The following ZMYM1 variants were observed in gnomAD, a reference collection of about 807,000 sequenced individuals.
ZMYM1 encodes zinc finger MYM-type containing 1, also known as zinc finger MYM-type protein 1.
In ZMYM1, 39 loss-of-function variants were observed where a neutral mutation model predicts 60.0. That is an observed-to-expected ratio of 0.65 (90% CI 0.50 to 0.85). The LOEUF (loss-of-function observed/expected upper bound fraction) is 0.85, where lower values mean the gene tolerates loss of function less well. Ranked by LOEUF, ZMYM1 falls within the 40% of genes least tolerant of loss-of-function variation. ZMYM1 has a pLI of 0.00. For missense variants in ZMYM1, 1,171 were observed against 1,309.5 expected (o/e 0.89, Z 1.63); for synonymous variants, 413 against 454.0 (o/e 0.91, Z 1.15).
chr1:35,069,111 G>A (rs534426907), intron 1 of ZMYM1, among the ~76,000 whole-genome samples: 13 of 152,290 alleles, frequency 8.5e-5, no homozygotes, highest in African/African-American at 3.1e-4. Flanking sequence ...TGGGATTACA[G>A]GCATGAGCCA....
chr1:35,103,863 G>A (rs1368324403), intron 4 of ZMYM1, among the ~76,000 whole-genome samples: 1 of 152,224 alleles, frequency 6.6e-6, no homozygotes, highest in Non-Finnish European at 1.5e-5. Context: ...AGTTGCTCAT[G>A]TGAATATGTG....
At position 35,064,292 on chromosome 1, in the gene ZMYM1, C is replaced by CAAAAAA. The variant is rs371084383; in HGVS notation, c.-301+4383_-301+4388dup. Reference sequence around the variant, plus strand: ...TGGGAAACACGGTGAGATCCTGTCTCAAAAAAAAAAAAAAAAAAAAACAAA... The same window carrying CAAAAAA: ...TGGGAAACACGGTGAGATCCTGTCTCAAAAAAAAAAAAAAAAAAAAAAAAAAACAAA... On this transcript the variant is annotated intron_variant, in intron 1 of 10. Transcript: ENST00000417119. Among the ~76,000 whole-genome samples, 30 of 54,468 alleles carry CAAAAAA rather than the reference C, an allele frequency of 5.5e-4. 1 individual carries two copies. The highest frequency in any genetic ancestry group is 1.3e-3 in the African/African-American group (22 of 16,330). The allele number at this position is 54,468 out of a possible 152,430, so 35.7% of individuals were successfully genotyped here.
downstream of ZMYM1, among the ~76,000 whole-genome samples, chr1:35,116,111 C>T (rs527538824): frequency 1.4e-4 from 22 of 151,988 alleles, no homozygotes; most frequent in Admixed American, 2.6e-4. Context: ...ACTGCACACC[C>T]GAAGTCCCAG....
chr1:35,084,948 A>G (rs1642578249), intron 1 of ZMYM1, among the ~76,000 whole-genome samples: 1 of 151,990 alleles, frequency 6.6e-6, no homozygotes, highest in African/African-American at 2.4e-5. Context: ...TCCCCTTACC[A>G]GTAAAGTCTG....
chr1:35,066,106 C>G (rs2148475915), intron 1 of ZMYM1, among the ~76,000 whole-genome samples: 1 of 152,304 alleles, frequency 6.6e-6, no homozygotes, highest in Non-Finnish European at 1.5e-5. Context: ...AAAAAAACCT[C>G]CTACAACTAA....
intron 4 of ZMYM1, among the ~76,000 whole-genome samples, chr1:35,100,177 C>T (rs1643567151): frequency 1.3e-5 from 2 of 152,136 alleles, no homozygotes; most frequent in South Asian, 4.1e-4. Context: ...AGGTATGAGC[C>T]ACCACGCCCT....
intron 1 of ZMYM1, among the ~76,000 whole-genome samples, chr1:35,065,789 A>G (rs1161002055): frequency 6.6e-6 from 1 of 151,996 alleles, no homozygotes; most frequent in Non-Finnish European, 1.5e-5. Flanking sequence ...AGATGGATAA[A>G]CCTCTAGCAA....
At chr1:35,068,665 T>A (rs755666561) in intron 1 of ZMYM1, among the ~76,000 whole-genome samples, 20 of 149,656 alleles carry the variant, frequency 1.3e-4, no homozygotes, top group Non-Finnish European at 2.7e-4. Flanking sequence ...TATATATATA[T>A]ATAAAACTAC....
In ZMYM1 at chr1:35,104,399, G is replaced by T. The variant is rs1236467277; in HGVS notation, c.524G>T (p.Arg175Ile). 6.2e-7 allele frequency: 1 copy of T among 1,613,104 alleles called. No homozygotes were observed. The highest frequency in any genetic ancestry group is 1.1e-5 in the South Asian group (1 of 90,976). The change falls in exon 5 of 10, where the codon AGA becomes ATA. Residue 175 changes from arginine to isoleucine, a missense_variant. Physicochemically the swap from Arg to Ile is moderately conservative, Grantham distance 97. Coordinates refer to ENST00000359858, the MANE Select transcript of ZMYM1 (RefSeq NM_024772.5). ...TGTCTTTCATCATATGAAGAAAAAA[G>T]AAAACCATTTGTTACCATATGTACT... ...LSCLSSYEEK[R>I]KPFVTICTNS...
intron 9 of ZMYM1, among the ~76,000 whole-genome samples, 167 bp from the exon 10 acceptor site, chr1:35,112,810 C>G (rs924783452): frequency 1.3e-5 from 2 of 151,752 alleles, no homozygotes; most frequent in Admixed American, 6.6e-5. Flanking sequence ...AATGCTGAAT[C>G]TAGATTGCAA....
chr1:35,113,969 C>T lies in ZMYM1; in HGVS notation c.2139C>T (p.Gly713=). ...QIGVDMDKIH[G]QAYDSTTNLK... ...GAGTTGATATGGATAAAATACATGGCCAGGCCTATGATAGCACCACTAATT... is the reference window on the plus strand; with the variant it reads ...GAGTTGATATGGATAAAATACATGGTCAGGCCTATGATAGCACCACTAATT... Residue 713 remains glycine, a synonymous_variant, in exon 10 of 10, where the codon GGC becomes GGT. Transcript: ENST00000359858. The T allele has an allele frequency of 6.2e-7, 1 of 1,613,418 alleles. No individual in the cohort carries two copies. Among genetic ancestry groups the T allele is most frequent in the African/African-American group, 1.3e-5 (1 of 74,962 alleles).
At chr1:35,101,605 C>G (rs1177991361) in intron 4 of ZMYM1, among the ~76,000 whole-genome samples, 1 of 151,502 alleles carries the variant, frequency 6.6e-6, no homozygotes, top group East Asian at 1.9e-4. Flanking sequence ...TTTGTCTATT[C>G]CCACACCATT....
At chr1:35,102,281 A>G (rs1229033353) in intron 4 of ZMYM1, among the ~76,000 whole-genome samples, 1 of 152,168 alleles carries the variant, frequency 6.6e-6, no homozygotes, top group Non-Finnish European at 1.5e-5. Context: ...TTTTTGTACC[A>G]TGTGGATCAG....
At chr1:35,097,635 T>G in intron 4 of ZMYM1, 69 bp downstream of exon 4, 2 of 1,562,774 alleles carry the variant, frequency 1.3e-6, no homozygotes, top group Non-Finnish European at 1.7e-6. Flanking sequence ...TTAGTTGTAA[T>G]TTCTACATTT....
At chr1:35,081,577 T>G (rs1207611571) in intron 1 of ZMYM1, among the ~76,000 whole-genome samples, 2 of 152,244 alleles carry the variant, frequency 1.3e-5, no homozygotes, top group African/African-American at 2.4e-5. Context: ...ATGTTTTGTT[T>G]TCACTGTAGA....
chr1:35,118,241 CAAAA>C (rs11364403), downstream of ZMYM1, among the ~76,000 whole-genome samples: 16 of 100,132 alleles, frequency 1.6e-4, no homozygotes, highest in South Asian at 1.5e-3. Context: ...AACTCCGTCT[CAAAA>C]AAAAAAAAAA....
intron 9 of ZMYM1, among the ~76,000 whole-genome samples, 156 bp downstream of exon 9, chr1:35,112,286 T>C (rs1644115891): frequency 6.6e-6 from 1 of 151,818 alleles, no homozygotes; most frequent in Non-Finnish European, 1.5e-5. Context: ...CAAGCGATTC[T>C]CCTGCCTCAG....
intron 1 of ZMYM1, among the ~76,000 whole-genome samples, chr1:35,087,379 C>G (rs985138199): frequency 6.6e-6 from 1 of 151,712 alleles, no homozygotes; most frequent in Non-Finnish European, 1.5e-5. Flanking sequence ...TGGATGATAT[C>G]CCCTGGAGGT....
At chr1:35,068,002 G>C (rs375866494) in intron 1 of ZMYM1, among the ~76,000 whole-genome samples, 1 of 152,024 alleles carries the variant, frequency 6.6e-6, no homozygotes, top group Admixed American at 6.5e-5. Context: ...TGCTAGGCTG[G>C]TCTTGGACTC....
Sources: allele counts gnomAD v4.1 joint callset (sites outside exome capture counted in the v4.1 genomes callset), GRCh38; gene constraint gnomAD v4.1.1; transcripts MANE v1.5; gene names NCBI Gene and HGNC (gene_info 2026-07-23, HGNC 2026-07-21).